Variants in MARCHF11 observed in about 807,000 individuals in gnomAD.
MARCHF11 encodes the protein E3 ubiquitin-protein ligase MARCHF11.
MARCHF11 carries 29 observed loss-of-function variants against 37.3 expected under a neutral mutation model. The observed-to-expected ratio is 0.78, with a 90% CI of 0.58 to 1.06. MARCHF11 has a LOEUF of 1.06. MARCHF11 is among the 50% of genes least tolerant of loss of function. The pLI is 0.00. For synonymous variants in MARCHF11, 233 were observed against 228.0 expected, an observed-to-expected ratio of 1.02 and a Z score of -0.20; for missense variants, 482 against 533.4, an observed-to-expected ratio of 0.90 and a Z score of 0.95.
intron 2 of MARCHF11, among the ~76,000 whole-genome samples, chr5:16,106,982 C>T (rs765439677): frequency 6.6e-6 from 1 of 152,188 alleles, no homozygotes; most frequent in Non-Finnish European, 1.5e-5. Flanking sequence ...TGGCCCATTA[C>T]TCATGGAAAT....
intron 2 of MARCHF11, among the ~76,000 whole-genome samples, chr5:16,146,198 C>G (rs990556167): frequency 6.6e-6 from 1 of 152,240 alleles, no homozygotes; most frequent in Middle Eastern, 3.4e-3. Flanking sequence ...ATGTCAGGAA[C>G]CTTTTTGCTT....
chr5:16,096,536 G>C (rs1032825195), intron 2 of MARCHF11, among the ~76,000 whole-genome samples: 1 of 152,170 alleles, frequency 6.6e-6, no homozygotes, highest in African/African-American at 2.4e-5. Context: ...CCGTGTTAGT[G>C]GAGTATTCTC....
At position 16,109,290 on chromosome 5, in the gene MARCHF11, T is replaced by G. The variant is rs563348126; in HGVS notation, c.694-18209A>C. On this transcript the variant is annotated intron_variant, in intron 2 of 3. Transcript: ENST00000332432. ...TTGGTTGCCTGGGGAACCAACCTCA[T>G]GATTACAGGGCTAATGTTTTTAGCC... Among the ~76,000 whole-genome samples the G allele has an allele frequency of 2.0e-5, 3 of 152,272 alleles. No homozygotes were observed. In the East Asian group the frequency reaches 5.8e-4, roughly 30 times the overall value.
intron 3 of MARCHF11, among the ~76,000 whole-genome samples, chr5:16,069,638 A>G (rs1301426854): frequency 1.3e-5 from 2 of 152,184 alleles, no homozygotes; most frequent in Non-Finnish European, 2.9e-5. Context: ...ATAGAGAAAT[A>G]AAGTAATAAA....
At chr5:16,115,521 T>G (rs1268984835) in intron 2 of MARCHF11, among the ~76,000 whole-genome samples, 1 of 152,222 alleles carries the variant, frequency 6.6e-6, no homozygotes, top group Non-Finnish European at 1.5e-5. Context: ...TTCAGAAAGC[T>G]TCCATGGTAG....
intron 2 of MARCHF11, among the ~76,000 whole-genome samples, chr5:16,113,058 G>A (rs960517691): frequency 6.6e-6 from 1 of 152,106 alleles, no homozygotes; most frequent in Middle Eastern, 3.2e-3. Flanking sequence ...CAGAAAGCAT[G>A]AATTTTATGG....
chr5:16,083,980 G>A (rs1560969696), intron 3 of MARCHF11, among the ~76,000 whole-genome samples: 1 of 152,052 alleles, frequency 6.6e-6, no homozygotes, highest in Non-Finnish European at 1.5e-5. Flanking sequence ...CCTGAATTTC[G>A]TTTTCAAAAT....
In MARCHF11 at chr5:16,090,976, A is replaced by G; in HGVS notation, c.799T>C (p.Phe267Leu). ...CTCTGCCACACTGCATAGGGGCTGA[A>G]GGCTGACCAGAGGAGCCAAGTCACA... ...ASVTWLLWSA[F>L]SPYAVWQRKD... The change falls in exon 3 of 4, where the codon TTC (phenylalanine) becomes CTC (leucine). Residue 267 changes from phenylalanine to leucine, a missense_variant. By Grantham distance (22) the Phe-to-Leu change is conservative (BLOSUM62 0). Coordinates refer to ENST00000332432, the MANE Select transcript of MARCHF11 (RefSeq NM_001102562.3). 1 of 1,612,602 alleles carries G rather than the reference A, an allele frequency of 6.2e-7. No individual in the cohort carries two copies. The highest frequency in any genetic ancestry group is 8.5e-7 in the Non-Finnish European group (1 of 1,179,592).
chr5:16,155,355 G>T (rs1464785333), intron 2 of MARCHF11, among the ~76,000 whole-genome samples: 1 of 151,600 alleles, frequency 6.6e-6, no homozygotes, highest in African/African-American at 2.4e-5. Context: ...AATGGATTGG[G>T]GTGGGGCCTG....
intron 1 of MARCHF11, 37 bp downstream of exon 1, chr5:16,179,002 C>T: frequency 7.2e-7 from 1 of 1,394,182 alleles, no homozygotes; most frequent in South Asian, 1.5e-5. Flanking sequence ...CGAGCTGGAG[C>T]CGCCACCGGC....
chr5:16,172,039 G>A lies in MARCHF11; in HGVS notation c.693+5687C>T, dbSNP rs35448770. Among the ~76,000 whole-genome samples, 1,107 of 152,238 alleles carry A rather than the reference G, an allele frequency of 7.3e-3. 7 individuals carry two copies. The highest frequency in any genetic ancestry group is 0.012 in the Admixed American group (178 of 15,296). ...AGGGTACATGTTGTCCCCAAGCCTC[G>A]TTCTAAATAGTTTAAAAGCAAATAC... On this transcript the variant is annotated intron_variant, in intron 2 of 3. Transcript: ENST00000332432.
intron 2 of MARCHF11, among the ~76,000 whole-genome samples, chr5:16,174,996 A>T (rs528018013): frequency 3.3e-5 from 5 of 152,324 alleles, no homozygotes; most frequent in African/African-American, 1.2e-4. Context: ...TTTCACTTTC[A>T]TGGTCTTGGA....
chr5:16,101,302 G>A lies in MARCHF11; in HGVS notation c.694-10221C>T, dbSNP rs569775535. ...GAGGCAGGAGAGTGGCGTGAACCCC[G>A]GAGGCGGAGCTTGCAGTGAGCTGAG... On this transcript the variant is annotated intron_variant, in intron 2 of 3. Coordinates refer to ENST00000332432, the MANE Select transcript of MARCHF11 (RefSeq NM_001102562.3). Among the ~76,000 whole-genome samples the A allele has an allele frequency of 6.8e-4, 103 of 152,242 alleles. 1 individual carries two copies. Among genetic ancestry groups the A allele is most frequent in the African/African-American group, 2.3e-3 (94 of 41,534 alleles).
chr5:16,164,251 CAA>C (rs1252509644), intron 2 of MARCHF11, among the ~76,000 whole-genome samples: 1 of 151,962 alleles, frequency 6.6e-6, no homozygotes, highest in Admixed American at 6.6e-5. Flanking sequence ...AACCAAGTCC[CAA>C]AATATGTGAA....
At chr5:16,178,955 G>A (rs1255416014) in intron 1 of MARCHF11, 84 bp downstream of exon 1, 2 of 1,338,544 alleles carry the variant, frequency 1.5e-6, no homozygotes, top group African/African-American at 1.5e-5. Context: ...TGGGAGGTAG[G>A]CGTGCGCTGT....
chr5:16,085,268 G>A (rs1736675982), intron 3 of MARCHF11, among the ~76,000 whole-genome samples: 1 of 152,036 alleles, frequency 6.6e-6, no homozygotes, highest in Admixed American at 6.6e-5. Context: ...GATTTTGAGA[G>A]GCAAAGGTCT....
intron 2 of MARCHF11, among the ~76,000 whole-genome samples, chr5:16,123,301 TAAG>T (rs1737343204): frequency 6.6e-6 from 1 of 152,024 alleles, no homozygotes; most frequent in Admixed American, 6.6e-5. Context: ...GGTCTCCTTA[TAAG>T]AAGAGGAGAT....
intron 2 of MARCHF11, among the ~76,000 whole-genome samples, chr5:16,095,969 G>A (rs1240973671): frequency 6.6e-6 from 1 of 152,156 alleles, no homozygotes; most frequent in Non-Finnish European, 1.5e-5. Flanking sequence ...TGCATTCTCT[G>A]CATCCATCCC....
intron 2 of MARCHF11, among the ~76,000 whole-genome samples, chr5:16,111,548 A>G (rs1028570659): frequency 2.0e-5 from 3 of 152,196 alleles, no homozygotes; most frequent in African/African-American, 7.2e-5. Flanking sequence ...TCAAGAGGTG[A>G]CTTGGGTGCT....
Sources: allele counts gnomAD v4.1 joint callset (sites outside exome capture counted in the v4.1 genomes callset), GRCh38; gene constraint gnomAD v4.1.1; transcripts MANE v1.5; gene names NCBI Gene and HGNC (gene_info 2026-07-23, HGNC 2026-07-21).